The following SIMC1 variants were observed in gnomAD, a reference collection of about 807,000 sequenced individuals.
SIMC1 encodes SUMO-interacting motif-containing protein 1.
SIMC1 carries 55 observed loss-of-function variants against 82.3 expected under a neutral mutation model. That is an observed-to-expected ratio of 0.67 (90% CI 0.54 to 0.84). The LOEUF is 0.84. Ranked by LOEUF, SIMC1 falls within the 40% of genes least tolerant of loss-of-function variation. The probability of loss-of-function intolerance (pLI) is 0.00; values close to 1 mark genes in which losing one functional copy is unlikely to be tolerated. For synonymous variants in SIMC1, 353 were observed against 426.3 expected (o/e 0.83, Z 2.12); for missense variants, 915 against 1,107.2 (o/e 0.83, Z 2.46).
intron 1 of SIMC1, among the ~76,000 whole-genome samples, chr5:176,254,256 A>G (rs951531466): frequency 1.3e-4 from 20 of 152,146 alleles, no homozygotes; most frequent in African/African-American, 4.6e-4. Context: ...TTTCAATTAC[A>G]CCGTTATCCT....
intron 1 of SIMC1, among the ~76,000 whole-genome samples, chr5:176,243,443 T>G (rs1197015496): frequency 1.3e-5 from 2 of 151,884 alleles, no homozygotes; most frequent in Admixed American, 6.6e-5. Context: ...GAGACCACAA[T>G]AAGGGATTTG....
Position 176,313,709 on chromosome 5 carries a change from C to T in SIMC1, c.1753C>T (p.Arg585Ter), listed in dbSNP as rs749967357. ...MEEEGQTLPG[R>*]VLFLRYVVQT... ...CCCACAGGGACAAACTCTGCCTGGG[C>T]GAGTCCTTTTCCTGCGTTATGTCGT... The change falls in exon 5 of 10, where the codon CGA (arginine) becomes TGA (stop). Residue 585 changes from arginine (R) to a stop codon, truncating the protein, a stop_gained. Transcript: ENST00000429602. LOFTEE classifies it high-confidence loss of function. The T allele has an allele frequency of 5.0e-6, 8 of 1,613,740 alleles. No individual in the cohort carries two copies. Among genetic ancestry groups the T allele is most frequent in the Admixed American group, 1.7e-5 (1 of 59,994 alleles).
intron 4 of SIMC1, among the ~76,000 whole-genome samples, chr5:176,303,571 C>T (rs372086418): frequency 3.3e-5 from 5 of 152,288 alleles, no homozygotes; most frequent in African/African-American, 7.2e-5. Context: ...CCGCCCGCCT[C>T]GGCCTCCCGA....
At chr5:176,287,810 GTATATT>G (rs921714854) in intron 1 of SIMC1, among the ~76,000 whole-genome samples, 4 of 151,790 alleles carry the variant, frequency 2.6e-5, no homozygotes, top group Non-Finnish European at 5.9e-5. Flanking sequence ...CATAAATCAA[GTATATT>G]TATATTAGCA....
intron 1 of SIMC1, among the ~76,000 whole-genome samples, chr5:176,280,574 C>T (rs986567263): frequency 3.3e-5 from 5 of 151,918 alleles, no homozygotes; most frequent in South Asian, 2.1e-4. Flanking sequence ...CGGCTGGTAC[C>T]GGTTGTTCCT....
chr5:176,274,726 C>T (rs1288821739), intron 1 of SIMC1, among the ~76,000 whole-genome samples: 1 of 151,828 alleles, frequency 6.6e-6, no homozygotes, highest in Non-Finnish European at 1.5e-5. Flanking sequence ...CTACATATGG[C>T]TAGCCAGTTT....
chr5:176,331,156 G>A (rs914036731), intron 7 of SIMC1, among the ~76,000 whole-genome samples: 3 of 151,688 alleles, frequency 2.0e-5, no homozygotes, highest in Non-Finnish European at 2.9e-5. Context: ...GGATCACGAG[G>A]TCAGGAGATC....
At chr5:176,302,952 T>C (rs563621205) in intron 4 of SIMC1, among the ~76,000 whole-genome samples, 3 of 152,302 alleles carry the variant, frequency 2.0e-5, no homozygotes, top group South Asian at 4.1e-4. Context: ...GAAGACTTAA[T>C]ATGGTTAAGA....
At chr5:176,333,750 T>A (rs1310375026) in intron 7 of SIMC1, among the ~76,000 whole-genome samples, 7 of 149,800 alleles carry the variant, frequency 4.7e-5, no homozygotes, top group African/African-American at 9.7e-5. Flanking sequence ...TTTTTAATAT[T>A]TTTTTTTTTG....
intron 4 of SIMC1, among the ~76,000 whole-genome samples, chr5:176,300,754 A>G (rs577786517): frequency 2.0e-5 from 3 of 152,328 alleles, no homozygotes; most frequent in East Asian, 3.9e-4. Flanking sequence ...AAAATCTGAA[A>G]TGAAAGAGGG....
At chr5:176,310,231 AAG>A (rs1313288280) in intron 4 of SIMC1, among the ~76,000 whole-genome samples, 2 of 152,238 alleles carry the variant, frequency 1.3e-5, no homozygotes, top group African/African-American at 4.8e-5. Context: ...CCCTCTGGAA[AAG>A]AGTTTATAAA....
At chr5:176,283,463 G>C (rs1004877229) in intron 1 of SIMC1, among the ~76,000 whole-genome samples, 11 of 152,266 alleles carry the variant, frequency 7.2e-5, no homozygotes, top group Non-Finnish European at 5.9e-5. Flanking sequence ...CCTTTACAGA[G>C]AAGCAAATGC....
At chr5:176,276,560 T>C (rs1028006844) in intron 1 of SIMC1, among the ~76,000 whole-genome samples, 1 of 148,818 alleles carries the variant, frequency 6.7e-6, no homozygotes, top group Non-Finnish European at 1.5e-5. Context: ...ACTCATCATC[T>C]AGCATTAGGT....
intron 1 of SIMC1, among the ~76,000 whole-genome samples, chr5:176,258,222 A>G (rs1262353155): frequency 1.3e-5 from 2 of 152,124 alleles, no homozygotes; most frequent in African/African-American, 4.8e-5. Context: ...ACATAATAAG[A>G]ATAGCTGGCA....
intron 4 of SIMC1, among the ~76,000 whole-genome samples, chr5:176,299,995 T>C (rs1324071455): frequency 4.6e-5 from 7 of 152,054 alleles, no homozygotes; most frequent in Non-Finnish European, 7.4e-5. Flanking sequence ...CCCACAAATA[T>C]GTGGCAACTA....
At chr5:176,285,543 CA>C in intron 1 of SIMC1, among the ~76,000 whole-genome samples, 1 of 151,918 alleles carries the variant, frequency 6.6e-6, no homozygotes, top group South Asian at 2.1e-4. Context: ...ACTGAATGGG[CA>C]AAAACTGGAA....
intron 7 of SIMC1, among the ~76,000 whole-genome samples, chr5:176,335,018 G>T (rs1048579318): frequency 6.6e-6 from 1 of 151,718 alleles, no homozygotes; most frequent in Admixed American, 6.6e-5. Flanking sequence ...TTGAACCCGG[G>T]GGGTGGGGGT....
At chr5:176,249,543 C>CA (rs1047534037) in intron 1 of SIMC1, among the ~76,000 whole-genome samples, 47 of 151,586 alleles carry the variant, frequency 3.1e-4, no homozygotes, top group Non-Finnish European at 5.6e-4. Flanking sequence ...TTAATCTTTT[C>CA]AAAAAAACAG....
Position 176,296,337 on chromosome 5 carries a change from G to A in SIMC1, c.1734+17G>A, listed in dbSNP as rs778865196. The A allele has an allele frequency of 8.1e-6, 13 of 1,612,866 alleles. No individual in the cohort carries two copies. The Admixed American group carries it at 2.2e-4, about 27-fold the overall frequency. ...GAGGAAGAGGTAACAACAATTATAA[G>A]ATTATATCTTCTGTAGGGGAAGTTT... On this transcript the variant is annotated intron_variant, in intron 4 of 9. Coordinates refer to ENST00000429602, the MANE Select transcript of SIMC1 (RefSeq NM_001308195.2).
Sources: gnomAD v4.1 joint callset for allele counts (sites outside exome capture counted in the v4.1 genomes callset) on GRCh38, gnomAD v4.1.1 for gene constraint, MANE v1.5 for transcripts, NCBI Gene and HGNC (gene_info 2026-07-23, HGNC 2026-07-21) for gene names.